Variants in HERC3 observed in about 807,000 individuals in gnomAD.
HERC3 encodes probable E3 ubiquitin-protein ligase HERC3.
HERC3 carries 58 observed loss-of-function variants against 129.9 expected under a neutral mutation model. The ratio of observed to expected loss-of-function variants is 0.45; its 90% CI spans 0.36 to 0.56. HERC3 has a LOEUF of 0.56. HERC3 is among the 20% of genes least tolerant of loss of function. HERC3 has a pLI of 0.00. For missense variants in HERC3, 835 were observed against 1,244.2 expected (o/e 0.67, Z 4.95); for synonymous variants, 430 against 451.0 (o/e 0.95, Z 0.59).
At chr4:88,543,721 T>C in the HERC3 span, among the ~76,000 whole-genome samples, 1 of 151,972 alleles carries the variant, frequency 6.6e-6, no homozygotes, top group African/African-American at 2.4e-5. Context: ...CCAAAACAGA[T>C]ATATAGACCA....
rs1256197713 is a variant in HERC3, at chr4:88,606,028, G to T, written c.205G>T (p.Glu69Ter). The T allele has an allele frequency of 1.9e-6, 3 of 1,613,778 alleles. No homozygotes were observed. The change falls in exon 3 of 26, where the codon GAG (glutamate) becomes TAG (stop). Residue 69 changes from glutamate to a stop codon, truncating the protein, a stop_gained. Transcript: ENST00000402738. LOFTEE classifies it high-confidence loss of function. ...GAACACCAAGGGGCAACTGGGCCAT[G>T]AGAGGGAAGGAAACAAGCCAGGTAA... ...GLNTKGQLGH[E>*]REGNKPEQIG... is the part of the protein sequence containing the mutation.
intron 16 of HERC3, among the ~76,000 whole-genome samples, chr4:88,672,443 G>A (rs565174104): frequency 1.3e-4 from 19 of 151,980 alleles, no homozygotes; most frequent in African/African-American, 4.6e-4. Context: ...TATTGTATGA[G>A]GTACAATGCT....
At chr4:88,700,595 A>G (rs547112489) in intron 23 of HERC3, among the ~76,000 whole-genome samples, 5 of 152,150 alleles carry the variant, frequency 3.3e-5, no homozygotes, top group South Asian at 2.1e-4. Context: ...TCAAAGGCAC[A>G]TCTGCGTTTT....
At chr4:88,623,648 C>T (rs116326872) in intron 3 of HERC3, among the ~76,000 whole-genome samples, 79 of 152,252 alleles carry the variant, frequency 5.2e-4, no homozygotes, top group African/African-American at 1.7e-3. Context: ...ACCATCAGTA[C>T]GTATGTCTTG....
At chr4:88,525,318 G>A in the HERC3 span, among the ~76,000 whole-genome samples, 18 of 152,144 alleles carry the variant, frequency 1.2e-4, no homozygotes, top group South Asian at 2.1e-4. Context: ...CACTATTTCC[G>A]ACTAGGGCAG....
intron 3 of HERC3, among the ~76,000 whole-genome samples, chr4:88,640,081 A>G (rs1727906560): frequency 6.6e-6 from 1 of 152,186 alleles, no homozygotes; most frequent in African/African-American, 2.4e-5. Context: ...GAAACAATAG[A>G]TGCTGGCGAG....
chr4:88,601,773 G>GAATTATAATTAAAAT (rs1444346062), intron 2 of HERC3, among the ~76,000 whole-genome samples: 37,041 of 149,622 alleles, frequency 0.25, 9,146 homozygotes, highest in African/African-American at 0.62. Context: ...AGGATATTCA[G>GAATTATAATTAAAAT]GGGCCGGGCG....
At chr4:88,601,790 C>T (rs148616807) in intron 2 of HERC3, among the ~76,000 whole-genome samples, 3 of 91,580 alleles carry the variant, frequency 3.3e-5, no homozygotes, top group East Asian at 4.2e-4. Flanking sequence ...GGCGCGGTGG[C>T]TTACGCCTGT....
rs748248626 is a variant in HERC3, at chr4:88,652,900, C to T, written c.495C>T (p.Ser165=). Residue 165 remains serine, a synonymous_variant, in exon 6 of 26, where the codon AGC becomes AGT. Transcript: ENST00000402738. ...DGQFFTWGKN[S]HGQLGLGKEF... is the part of the protein sequence containing the mutation. ...AGTTCTTCACCTGGGGAAAGAACAG[C>T]CATGGGCAGCTTGGCTTAGGGAAGG... The T allele has an allele frequency of 4.3e-6, 7 of 1,613,344 alleles. No homozygotes were observed. The South Asian group carries it at 6.6e-5, about 15-fold the overall frequency.
chr4:88,551,835 G>C, the HERC3 span, among the ~76,000 whole-genome samples: 1 of 152,076 alleles, frequency 6.6e-6, no homozygotes, highest in Non-Finnish European at 1.5e-5. Context: ...ACATGCACAC[G>C]TATGTTTATT....
intron 3 of HERC3, among the ~76,000 whole-genome samples, chr4:88,634,053 C>T (rs1211716921): frequency 6.6e-6 from 1 of 152,198 alleles, no homozygotes; most frequent in Non-Finnish European, 1.5e-5. Flanking sequence ...TTAGGACTGA[C>T]TAGGCAGCCG....
the HERC3 span, among the ~76,000 whole-genome samples, chr4:88,532,345 G>A: frequency 7.2e-5 from 11 of 152,156 alleles, no homozygotes; most frequent in Non-Finnish European, 1.3e-4. Flanking sequence ...TGAGAACCAC[G>A]GGAGCCAACA....
At chr4:88,563,918 A>G in the HERC3 span, among the ~76,000 whole-genome samples, 2 of 152,120 alleles carry the variant, frequency 1.3e-5, no homozygotes, top group Admixed American at 1.3e-4. Flanking sequence ...TCAGCCTCCC[A>G]AAGTGCTGGG....
intron 9 of HERC3, 26 bp from the exon 10 acceptor site, chr4:88,658,389 T>C (rs887854431): frequency 7.1e-7 from 1 of 1,399,544 alleles, no homozygotes; most frequent in African/African-American, 1.4e-5. Context: ...ATGAAAAATA[T>C]GCTTTCGGAA....
At chr4:88,636,862 G>A (rs1727468069) in intron 3 of HERC3, among the ~76,000 whole-genome samples, 1 of 152,150 alleles carries the variant, frequency 6.6e-6, no homozygotes, top group South Asian at 2.1e-4. Flanking sequence ...CTGGCCAGGT[G>A]CGATGGCTCA....
intron 3 of HERC3, among the ~76,000 whole-genome samples, chr4:88,611,510 A>C (rs1724322431): frequency 6.6e-6 from 1 of 152,170 alleles, no homozygotes; most frequent in Non-Finnish European, 1.5e-5. Flanking sequence ...TCTGGGGGTT[A>C]TGGGCAGGTC....
intron 2 of HERC3, among the ~76,000 whole-genome samples, chr4:88,596,228 A>C (rs977839892): frequency 2.3e-4 from 35 of 152,282 alleles, no homozygotes; most frequent in African/African-American, 8.4e-4. Context: ...TAGGAATGTA[A>C]GTCTTTTGCT....
chr4:88,682,655 T>A (rs1355075435), intron 21 of HERC3, among the ~76,000 whole-genome samples: 3 of 152,160 alleles, frequency 2.0e-5, no homozygotes, highest in Non-Finnish European at 4.4e-5. Context: ...CATGAACTCA[T>A]CATTTTTTAT....
At chr4:88,598,780 C>T (rs746652645) in intron 2 of HERC3, among the ~76,000 whole-genome samples, 6 of 152,194 alleles carry the variant, frequency 3.9e-5, no homozygotes, top group Non-Finnish European at 7.3e-5. Flanking sequence ...GTTCCTTTGA[C>T]CCTTAAGCTC....
Sources: gnomAD v4.1 joint callset for allele counts (sites outside exome capture counted in the v4.1 genomes callset) on GRCh38, gnomAD v4.1.1 for gene constraint, MANE v1.5 for transcripts, NCBI Gene and HGNC (gene_info 2026-07-23, HGNC 2026-07-21) for gene names.